Variants in FRMD4A observed in about 807,000 individuals in gnomAD.
FRMD4A encodes FERM domain containing 4A.
FRMD4A carries 29 observed loss-of-function variants against 129.1 expected under a neutral mutation model. That is an observed-to-expected ratio of 0.22 (90% CI 0.17 to 0.31). The LOEUF is 0.31. FRMD4A is among the 10% of genes least tolerant of loss of function. The probability of loss-of-function intolerance (pLI) is 1.00; values close to 1 mark genes in which losing one functional copy is unlikely to be tolerated. For missense variants in FRMD4A, 1,272 were observed against 1,375.8 expected (o/e 0.92, Z 1.19); for synonymous variants, 634 against 571.6 (o/e 1.11, Z -1.56).
At position 13,761,677 on chromosome 10, in the gene FRMD4A, A is replaced by G; in HGVS notation, c.442-8T>C. The G allele has an allele frequency of 6.3e-7, 1 of 1,598,172 alleles. No individual in the cohort carries two copies. The highest frequency in any genetic ancestry group is 8.6e-7 in the Non-Finnish European group (1 of 1,168,142). ...AAAATCTCCCTTTGCCTCCTGTAGA[A>G]GAAAAAATTCAACATCAGCGAAATA... On this transcript the variant is annotated splice_polypyrimidine_tract_variant and splice_region_variant and intron_variant, in intron 7 of 24. Coordinates refer to ENST00000357447, the MANE Select transcript of FRMD4A (RefSeq NM_018027.5).
intron 3 of FRMD4A, among the ~76,000 whole-genome samples, chr10:13,847,495 G>A (rs866792530): frequency 1.3e-5 from 2 of 152,056 alleles, no homozygotes; most frequent in Admixed American, 1.3e-4. Context: ...GGAGGGGCTC[G>A]CTCGCTCCCT....
intron 2 of FRMD4A, among the ~76,000 whole-genome samples, chr10:14,015,104 C>T (rs1165431721): frequency 1.5e-5 from 2 of 137,086 alleles, no homozygotes; most frequent in African/African-American, 5.6e-5. Flanking sequence ...CCCTCCCACC[C>T]TTCCTTTCAT....
intron 3 of FRMD4A, among the ~76,000 whole-genome samples, chr10:13,833,335 A>G (rs1182530780): frequency 6.6e-6 from 1 of 152,220 alleles, no homozygotes. Flanking sequence ...TAAAACCATC[A>G]GATCTCATGA....
At chr10:13,665,224 T>C (rs1169106981) in intron 18 of FRMD4A, among the ~76,000 whole-genome samples, 1 of 152,062 alleles carries the variant, frequency 6.6e-6, no homozygotes, top group Admixed American at 6.6e-5. Context: ...CACATTCCCA[T>C]TGTTGCGTAA....
chr10:14,154,191 G>T (rs770913695), intron 2 of FRMD4A, among the ~76,000 whole-genome samples: 1 of 152,100 alleles, frequency 6.6e-6, no homozygotes, highest in Non-Finnish European at 1.5e-5. Flanking sequence ...TTGAAAACCC[G>T]CATCGGCTTT....
rs1336058154 is a variant in FRMD4A, at chr10:14,310,508, C to T, written c.45+19550G>A. Among the ~76,000 whole-genome samples the T allele has an allele frequency of 2.0e-5, 3 of 152,136 alleles. No homozygotes were observed. The East Asian group carries it at 5.8e-4, about 29-fold the overall frequency. ...AAAGCTTGCACGGGTGAATGCTGGC[C>T]GCTGTGCCAATAGGAAAAAGGCTAC... On this transcript the variant is annotated intron_variant, in intron 2 of 24. Coordinates refer to ENST00000357447, the MANE Select transcript of FRMD4A (RefSeq NM_018027.5).
At chr10:13,708,037 A>G in intron 12 of FRMD4A, 1 of 231,208 alleles carries the variant, frequency 4.3e-6, no homozygotes, top group Non-Finnish European at 7.1e-6. Flanking sequence ...GTGCACACAC[A>G]TTTGCATTAA....
In FRMD4A at chr10:13,737,880, G is replaced by T; in HGVS notation, c.723C>A (p.Phe241Leu). ...TCACTTTATCATGGTAGTCATACTG[G>T]AAGATCCCTTTGTAGCTCAGGCCCA... The part of the protein sequence containing the change: ...WWLGLSYKGI[F>L]QYDYHDKVKP... The change falls in exon 12 of 25, where the codon TTC (phenylalanine) becomes TTA (leucine). Residue 241 changes from phenylalanine to leucine, a missense_variant. This residue lies in a region of FRMD4A where 300 missense variants were observed against 483.6 expected (regional missense o/e 0.62). Coordinates refer to ENST00000357447, the MANE Select transcript of FRMD4A (RefSeq NM_018027.5). 2 of 1,608,504 alleles carry T rather than the reference G, an allele frequency of 1.2e-6. No homozygotes were observed. Among genetic ancestry groups the T allele is most frequent in the Non-Finnish European group, 1.7e-6 (2 of 1,175,128 alleles).
At chr10:13,928,390 C>T (rs1275173275) in intron 2 of FRMD4A, among the ~76,000 whole-genome samples, 2 of 151,326 alleles carry the variant, frequency 1.3e-5, no homozygotes, top group Non-Finnish European at 1.5e-5. Context: ...TTGTTTTTCT[C>T]TTCTACTTAA....
intron 2 of FRMD4A, among the ~76,000 whole-genome samples, chr10:14,218,955 C>CAAAAAAAA (rs56064346): frequency 1.8e-4 from 13 of 72,648 alleles, no homozygotes; most frequent in African/African-American, 9.2e-4. Context: ...GACTTCATCT[C>CAAAAAAAA]AAAAAAAAAA....
At chr10:14,147,012 GC>G in intron 2 of FRMD4A, among the ~76,000 whole-genome samples, 1 of 152,260 alleles carries the variant, frequency 6.6e-6, no homozygotes, top group Non-Finnish European at 1.5e-5. Context: ...TCTTTAAGTT[GC>G]TTCAACTCCT....
chr10:13,704,385 A>G (rs972315318), intron 13 of FRMD4A, among the ~76,000 whole-genome samples: 1 of 152,112 alleles, frequency 6.6e-6, no homozygotes, highest in African/African-American at 2.4e-5. Flanking sequence ...CTGGGACGAG[A>G]CAGCTCTGCT....
chr10:14,017,420 T>C (rs185829935), intron 2 of FRMD4A, among the ~76,000 whole-genome samples: 100 of 152,334 alleles, frequency 6.6e-4, no homozygotes, highest in Middle Eastern at 3.4e-3. Flanking sequence ...TTATCTATGG[T>C]ATTGACTGCC....
rs144271102 is a variant in FRMD4A at position 13,989,357 on chromosome 10, T to A, written c.46-130445A>T. ...ATATTAGATGATCATTAGTAATTGA[T>A]TTTTTTTTCTTTTTTTTGAGACGGC... On this transcript the variant is annotated intron_variant, in intron 2 of 24. Coordinates refer to ENST00000357447, the MANE Select transcript of FRMD4A (RefSeq NM_018027.5). Among the ~76,000 whole-genome samples the A allele has an allele frequency of 1.8e-3, 274 of 151,882 alleles. 1 individual carries two copies. The highest frequency in any genetic ancestry group is 6.2e-3 in the African/African-American group (256 of 41,402).
chr10:13,875,466 G>A (rs1021345435), intron 2 of FRMD4A, among the ~76,000 whole-genome samples: 1 of 152,218 alleles, frequency 6.6e-6, no homozygotes, highest in African/African-American at 2.4e-5. Context: ...AGAGGGCAAA[G>A]AGGTTCGGAT....
chr10:13,857,264 T>C (rs1448912526), intron 3 of FRMD4A, among the ~76,000 whole-genome samples: 1 of 152,166 alleles, frequency 6.6e-6, no homozygotes, highest in Non-Finnish European at 1.5e-5. Context: ...GGTATATCAA[T>C]TTCTAGAATT....
At chr10:13,977,245 C>T (rs967241360) in intron 2 of FRMD4A, among the ~76,000 whole-genome samples, 3 of 152,214 alleles carry the variant, frequency 2.0e-5, no homozygotes, top group Non-Finnish European at 4.4e-5. Flanking sequence ...TTCTGTGTCA[C>T]GTAAGGACTT....
intron 4 of FRMD4A, among the ~76,000 whole-genome samples, chr10:13,796,975 C>T (rs2093133518): frequency 6.6e-6 from 1 of 152,220 alleles, no homozygotes; most frequent in African/African-American, 2.4e-5. Flanking sequence ...CCACCTCGGC[C>T]TCCCAAAGTG....
intron 2 of FRMD4A, among the ~76,000 whole-genome samples, chr10:14,119,195 C>T (rs949267648): frequency 2.6e-5 from 4 of 152,144 alleles, no homozygotes; most frequent in Admixed American, 6.5e-5. Flanking sequence ...TCATTTCCGT[C>T]CCTGCTGGCA....
Sources: allele counts gnomAD v4.1 joint callset (sites outside exome capture counted in the v4.1 genomes callset), GRCh38; gene constraint gnomAD v4.1.1; regional missense constraint gnomAD v4.1.1; transcripts MANE v1.5; gene names NCBI Gene and HGNC (gene_info 2026-07-23, HGNC 2026-07-21).